LOX: variants seen among roughly 807,000 people sequenced by gnomAD.
The protein encoded by LOX is lysyl oxidase.
LOX carries 12 observed loss-of-function variants against 50.5 expected under a neutral mutation model. That is an observed-to-expected ratio of 0.24 (90% confidence interval 0.15 to 0.38). The LOEUF (loss-of-function observed/expected upper bound fraction) is 0.38. LOX is among the 10% of genes least tolerant of loss of function. LOX has a pLI of 1.00. For synonymous variants in LOX, 254 were observed against 230.6 expected, an observed-to-expected ratio of 1.10 and a Z score of -0.92; for missense variants, 504 against 563.8, an observed-to-expected ratio of 0.89 and a Z score of 1.07.
rs539723592 is a variant in LOX, at chr5:122,064,390, G to T, written c.*2353C>A. On this transcript the variant is annotated 3_prime_UTR_variant, in exon 7 of 7. Coordinates refer to ENST00000231004, the MANE Select transcript of LOX (RefSeq NM_002317.7). ...TATTTGGGTGTGTTTAGAGGTGCCA[G>T]GAGGGGGATGAATGTTCATATAAGG... 6.6e-6 allele frequency: 1 copy of T among 151,836 alleles called. No individual in the cohort carries two copies. Among genetic ancestry groups the T allele is most frequent in the Admixed American group, 6.6e-5 (1 of 15,210 alleles). The allele number at this position is 151,836 out of a possible 1,614,324, so 9.4% of individuals were successfully genotyped here. A position where few individuals can be genotyped will look rare whatever the true frequency, so the allele number is the denominator to read the frequency against.
rs1489940543 is a variant in LOX at position 122,077,068 on chromosome 5, C to A, written c.632-67G>T. 2 of 1,584,400 alleles carry A rather than the reference C, an allele frequency of 1.3e-6. No individual in the cohort carries two copies. Among genetic ancestry groups the A allele is most frequent in the South Asian group, 1.1e-5 (1 of 89,074 alleles). On this transcript the variant is annotated intron_variant, in intron 1 of 6. Coordinates refer to ENST00000231004, the MANE Select transcript of LOX (RefSeq NM_002317.7). This position sits in a 1 kb window ranked among gnomAD's most constrained non-coding sequence, Gnocchi z 4.9. ...GGCGCCCCCCGCTCCAACTCCCTAC[C>A]CCTCTAGGTCCCTTACTCCTCACCC...
rs935534960 is a variant in LOX, at chr5:122,064,196, A to G, written c.*2547T>C. On this transcript the variant is annotated 3_prime_UTR_variant, in exon 7 of 7. Coordinates refer to ENST00000231004, the MANE Select transcript of LOX (RefSeq NM_002317.7). ...ATCATTGCCAGTTCCTATTTTTTAA[A>G]ATGTATTTAGAGTTTGGTAAGACTG... 2 of 151,922 alleles carry G rather than the reference A, an allele frequency of 1.3e-5. No homozygotes were observed. Among genetic ancestry groups the G allele is most frequent in the Non-Finnish European group, 2.9e-5 (2 of 67,896 alleles). The allele number at this position is 151,922 out of a possible 1,614,324, so 9.4% of individuals were successfully genotyped here.
rs1754280817 is a variant in LOX, at chr5:122,065,723, A to G, written c.*1020T>C. On this transcript the variant is annotated 3_prime_UTR_variant, in exon 7 of 7. Transcript: ENST00000231004. ...ATAGCTGAACATCTTTTTAAAATCT[A>G]GAAAACTTGAAAAATCCTAAAATGT... The G allele has an allele frequency of 6.6e-6, 1 of 152,114 alleles. No homozygotes were observed. Among genetic ancestry groups the G allele is most frequent in the Non-Finnish European group, 1.5e-5 (1 of 67,990 alleles). The allele number at this position is 152,114 out of a possible 1,614,324, so 9.4% of individuals were successfully genotyped here.
chr5:122,067,318 T>G (rs1754326504), intron 6 of LOX, among the ~76,000 whole-genome samples: 1 of 151,454 alleles, frequency 6.6e-6, no homozygotes, highest in Non-Finnish European at 1.5e-5. Flanking sequence ...AAAAAAAAAC[T>G]TACATAGTAT....
chr5:122,073,978 G>A (rs1210433526), intron 4 of LOX, 35 bp downstream of exon 4: 1 of 1,596,472 alleles, frequency 6.3e-7, no homozygotes, highest in Non-Finnish European at 8.6e-7. Context: ...TTCTCTCTGA[G>A]GCTTGAGGTT....
At chr5:122,068,260 T>C (rs1754354052) in intron 6 of LOX, among the ~76,000 whole-genome samples, 1 of 147,844 alleles carries the variant, frequency 6.8e-6, no homozygotes. Flanking sequence ...GCTGGAGCAA[T>C]ACAACAATTT....
rs1020489697 is a variant in LOX, at chr5:122,075,438, G to C, written c.844C>G (p.Pro282Ala). 2 of 1,613,616 alleles carry C rather than the reference G, an allele frequency of 1.2e-6. No individual in the cohort carries two copies. The highest frequency in any genetic ancestry group is 1.3e-5 in the African/African-American group (1 of 74,904). Residue 282 changes from proline to alanine, a missense_variant, in exon 3 of 7, where the codon CCA (proline) becomes GCA (alanine). This residue lies in a region of LOX where 106 missense variants were observed against 198.1 expected (regional missense o/e 0.54). Coordinates refer to ENST00000231004, the MANE Select transcript of LOX (RefSeq NM_002317.7). ...CTGTGCCATTCCCAGGAATATCTTG[G>C]TCGGCTGGGTAAGAAATCTGATGTC... ...QGTSDFLPSR[P>A]RYSWEWHSCH...
chr5:122,075,534 A>C lies in LOX; in HGVS notation c.748T>G (p.Tyr250Asp). Residue 250 changes from tyrosine to aspartate, a missense_variant, in exon 3 of 7, where the codon TAC becomes GAC. Tyr to Asp is a radical substitution (Grantham distance 160). Around this residue, in one of 2 missense-constraint regions of LOX, gnomAD observed 398 missense variants for 365.8 expected, o/e 1.09. Coordinates refer to ENST00000231004, the MANE Select transcript of LOX (RefSeq NM_002317.7). ...AEENCLASTAYRADVRDYDHR... is the reference protein window; with the variant it reads ...AEENCLASTADRADVRDYDHR... The stretch of plus-strand genomic sequence containing the variant: ...TCATAATCTCTGACATCTGCCCTGT[A>C]TGCTGTACTGTGATTTTGAAAAAAG... 6.3e-7 allele frequency: 1 copy of C among 1,588,798 alleles called. No individual in the cohort carries two copies. Among genetic ancestry groups the C allele is most frequent in the East Asian group, 2.2e-5 (1 of 44,698 alleles).
Position 122,076,997 on chromosome 5 carries a change from G to T in LOX, c.636C>A (p.Leu212=). ...AGTAGGGGTCGGCCACCAGGTCTGG[G>T]AGACCTAAACGTCAGCAGGCGACGG... ...GYGTGYFQYG[L]PDLVADPYYI... The change falls in exon 2 of 7, where the codon CTC becomes CTA. Residue 212 remains leucine (L), a synonymous_variant. Coordinates refer to ENST00000231004, the MANE Select transcript of LOX (RefSeq NM_002317.7). 6.2e-7 allele frequency: 1 copy of T among 1,613,322 alleles called. No individual in the cohort carries two copies. Among genetic ancestry groups the T allele is most frequent in the South Asian group, 1.1e-5 (1 of 91,066 alleles).
In LOX at chr5:122,077,769, C is replaced by T. The variant is rs1414622659; in HGVS notation, c.217G>A (p.Gly73Ser). 1.3e-6 allele frequency: 2 copies of T among 1,550,322 alleles called. No individual in the cohort carries two copies. Among genetic ancestry groups the T allele is most frequent in the Non-Finnish European group, 1.7e-6 (2 of 1,152,414 alleles). Residue 73 changes from glycine to serine, a missense_variant, in exon 1 of 7, where the codon GGC (glycine) becomes AGC (serine). Physicochemically the swap from Gly to Ser is moderately conservative, Grantham distance 56. Around this residue, in one of 2 missense-constraint regions of LOX, gnomAD observed 398 missense variants for 365.8 expected, o/e 1.09. Coordinates refer to ENST00000231004, the MANE Select transcript of LOX (RefSeq NM_002317.7). The surrounding 1 kb of genome is among the most constrained non-coding windows in gnomAD (Gnocchi z 4.9). ...TTGGCTGCACCAGGGACGGCGGCGC[C>T]CGGGTCCCGGCGGCGCTGAGGCTGG... ...QYQPQRRRDP[G>S]AAVPGAANAS... is the part of the protein sequence containing the mutation.
rs1254286640 is a variant in LOX at position 122,065,813 on chromosome 5, T to A, written c.*930A>T. The A allele has an allele frequency of 6.6e-6, 1 of 152,132 alleles. No individual in the cohort carries two copies. The highest frequency in any genetic ancestry group is 1.5e-5 in the Non-Finnish European group (1 of 68,002). The allele number at this position is 152,132 out of a possible 1,614,324, so 9.4% of individuals were successfully genotyped here. A position where few individuals can be genotyped will look rare whatever the true frequency, so the allele number is the denominator to read the frequency against. ...TTGGGGGGGACTTGTTTGTGTGATT[T>A]TTATGTCAGCAAGAAAATTGTATCT... On this transcript the variant is annotated 3_prime_UTR_variant, in exon 7 of 7. Transcript: ENST00000231004.
chr5:122,065,821 A>C lies in LOX; in HGVS notation c.*922T>G, dbSNP rs1052707271. 1 of 152,112 alleles carries C rather than the reference A, an allele frequency of 6.6e-6. No homozygotes were observed. The allele number at this position is 152,112 out of a possible 1,614,324, so 9.4% of individuals were successfully genotyped here. The stretch of plus-strand genomic sequence containing the variant: ...GACTTGTTTGTGTGATTTTTATGTC[A>C]GCAAGAAAATTGTATCTTTGGCAAA... On this transcript the variant is annotated 3_prime_UTR_variant, in exon 7 of 7. Transcript: ENST00000231004.
chr5:122,067,344 A>C (rs1754327072), intron 6 of LOX, among the ~76,000 whole-genome samples: 1 of 152,160 alleles, frequency 6.6e-6, no homozygotes, highest in Non-Finnish European at 1.5e-5. Context: ...AACTGAAAGA[A>C]GCCTCAGAGT....
At chr5:122,073,180 C>T (rs970592200) in intron 4 of LOX, among the ~76,000 whole-genome samples, 14 of 152,124 alleles carry the variant, frequency 9.2e-5, no homozygotes, top group African/African-American at 3.4e-4. Context: ...CATTCACTAC[C>T]CCTTGCCAAG....
intron 6 of LOX, among the ~76,000 whole-genome samples, chr5:122,069,088 C>T (rs920249210): frequency 6.6e-6 from 1 of 152,062 alleles, no homozygotes; most frequent in African/African-American, 2.4e-5. Context: ...TCATCTATCT[C>T]TAATGTTGTG....
intron 3 of LOX, 144 bp from the exon 4 acceptor site, chr5:122,074,313 T>C (rs1198052953): frequency 4.5e-6 from 3 of 665,138 alleles, no homozygotes; most frequent in Non-Finnish European, 5.0e-6. Context: ...GAGAGATTCA[T>C]GCTAGGGTTT....
At chr5:122,069,633 T>C (rs74821849) in intron 6 of LOX, among the ~76,000 whole-genome samples, 1,708 of 152,244 alleles carry the variant, frequency 0.011, 19 homozygotes, top group Non-Finnish European at 0.018. Context: ...AACTCTTCAG[T>C]TGCTTACTTT....
intron 4 of LOX, among the ~76,000 whole-genome samples, chr5:122,072,027 T>C (rs192642035): frequency 6.6e-6 from 1 of 152,218 alleles, no homozygotes; most frequent in Non-Finnish European, 1.5e-5. Flanking sequence ...GAAGAATTTT[T>C]GGTCTGATTC....
chr5:122,071,193 ATG>A (rs35544795), intron 4 of LOX, among the ~76,000 whole-genome samples: 41,555 of 149,726 alleles, frequency 0.28, 5,956 homozygotes, highest in African/African-American at 0.33. Flanking sequence ...AAACATTTAT[ATG>A]TGTGTGTGTG....
Sources: allele counts gnomAD v4.1 joint callset (sites outside exome capture counted in the v4.1 genomes callset), GRCh38; gene constraint gnomAD v4.1.1; regional missense constraint gnomAD v4.1.1; non-coding constraint Gnocchi (gnomAD v3.1); transcripts MANE v1.5; gene names NCBI Gene and HGNC (gene_info 2026-07-23, HGNC 2026-07-21).